The following GLRA2 variants were observed in gnomAD, a reference collection of about 807,000 sequenced individuals.
GLRA2 encodes the protein glycine receptor subunit alpha-2.
Under a neutral mutation model 31.6 loss-of-function variants are expected in GLRA2, and 11 were observed. That is an observed-to-expected ratio of 0.35 (90% confidence interval 0.22 to 0.58). GLRA2 has a LOEUF of 0.58. Ranked by LOEUF, GLRA2 falls within the 20% of genes least tolerant of loss-of-function variation. The pLI is 0.84. For missense variants in GLRA2, 212 were observed against 351.8 expected (o/e 0.60, Z 3.18); for synonymous variants, 132 against 134.0 (o/e 0.99, Z 0.10).
At chrX:14,726,851 A>G (rs899633624) in intron 8 of GLRA2, among the ~76,000 whole-genome samples, 3 of 112,118 alleles carry the variant, frequency 2.7e-5, no homozygotes, top group African/African-American at 6.5e-5. Context: ...TACCCTTTCT[A>G]TTTCTTTAGG....
intron 8 of GLRA2, among the ~76,000 whole-genome samples, chrX:14,725,012 TG>T (rs2091913928): frequency 9.0e-6 from 1 of 111,674 alleles, no homozygotes; most frequent in Non-Finnish European, 1.9e-5. Flanking sequence ...CCAGAGACTT[TG>T]GAATCAGTTT....
Position 14,676,436 on chromosome X carries a change from C to A in GLRA2, c.931-14274C>A, listed in dbSNP as rs1218676380. ...TGATCATAGTCATTTGTGATTTTTTCTCCACTGTAGTGAACTGCTCTCTGT... is the reference window on the plus strand; with the variant it reads ...TGATCATAGTCATTTGTGATTTTTTATCCACTGTAGTGAACTGCTCTCTGT... On this transcript the variant is annotated intron_variant, in intron 7 of 8. Transcript: ENST00000218075. 2.7e-5 allele frequency among the ~76,000 whole-genome samples: 3 copies of A among 112,138 alleles called. No individual in the cohort carries two copies. The Admixed American group carries it at 2.8e-4, about 11-fold the overall frequency.
chrX:14,597,514 G>T (rs2090219363), intron 4 of GLRA2, among the ~76,000 whole-genome samples: 2 of 111,174 alleles, frequency 1.8e-5, no homozygotes, highest in Non-Finnish European at 3.8e-5. Context: ...GCTCTTTATG[G>T]GTAAGCCAGG....
intron 2 of GLRA2, among the ~76,000 whole-genome samples, chrX:14,539,615 C>A (rs1356580003): frequency 3.6e-5 from 4 of 111,515 alleles, no homozygotes; most frequent in African/African-American, 1.3e-4. Flanking sequence ...TGGACCCTTT[C>A]TTTGACTCAT....
the GLRA2 span, among the ~76,000 whole-genome samples, chrX:14,465,273 A>C: frequency 8.9e-6 from 1 of 112,015 alleles, no homozygotes; most frequent in South Asian, 3.7e-4. Context: ...ACATAGAGCA[A>C]TGCTGCTGAT....
chrX:14,463,071 C>A, the GLRA2 span, among the ~76,000 whole-genome samples: 1 of 111,679 alleles, frequency 9.0e-6, no homozygotes, highest in African/African-American at 3.3e-5. Flanking sequence ...CTATTCCTTT[C>A]TGTTTGTTAG....
chrX:14,715,936 G>T lies in GLRA2; in HGVS notation c.1081-14271G>T, dbSNP rs1053883739. On this transcript the variant is annotated intron_variant, in intron 8 of 8. Transcript: ENST00000218075. ...ATAGCTCCATAATCTGCGTAGCACA[G>T]TGCAAAATTAAAATGTAGGTCCCTT... Among the ~76,000 whole-genome samples the T allele has an allele frequency of 2.7e-5, 3 of 111,710 alleles. No homozygotes were observed. In the East Asian group the frequency reaches 8.4e-4, roughly 31 times the overall value.
At chrX:14,474,950 T>A in the GLRA2 span, among the ~76,000 whole-genome samples, 5 of 112,167 alleles carry the variant, frequency 4.5e-5, no homozygotes, top group African/African-American at 1.6e-4. Flanking sequence ...CCAAAGACTA[T>A]GAATAGGAAA....
chrX:14,690,602 T>C, intron 7 of GLRA2, 108 bp from the exon 8 acceptor site: 1 of 521,009 alleles, frequency 1.9e-6, no homozygotes, highest in South Asian at 3.3e-5. Context: ...AATTAGGTTA[T>C]TTTGCTGCTC....
At chrX:14,564,173 G>A (rs755426601) in intron 2 of GLRA2, among the ~76,000 whole-genome samples, 300 of 110,972 alleles carry the variant, frequency 2.7e-3, no homozygotes, top group African/African-American at 8.3e-3. Context: ...TCAAACTGTC[G>A]AAAGCCAAAA....
the GLRA2 span, among the ~76,000 whole-genome samples, chrX:14,501,413 C>G: frequency 9.0e-6 from 1 of 111,471 alleles, no homozygotes; most frequent in Non-Finnish European, 1.9e-5. Flanking sequence ...GCTTTTGTGA[C>G]CTGGTCCTCC....
the GLRA2 span, among the ~76,000 whole-genome samples, chrX:14,456,602 A>G: frequency 8.9e-6 from 1 of 111,933 alleles, no homozygotes; most frequent in African/African-American, 3.2e-5. Flanking sequence ...GAGTGAGGAC[A>G]TGTGGTATTT....
the GLRA2 span, among the ~76,000 whole-genome samples, chrX:14,506,845 T>C: frequency 1.1e-4 from 12 of 111,614 alleles, no homozygotes; most frequent in African/African-American, 3.9e-4. Context: ...TGGATAGATA[T>C]TGATGACCAT....
chrX:14,650,387 CT>C (rs1483311797), intron 7 of GLRA2, among the ~76,000 whole-genome samples: 2 of 110,629 alleles, frequency 1.8e-5, no homozygotes, highest in African/African-American at 6.6e-5. Context: ...AACAAAATCC[CT>C]GTTTCCTTGT....
chrX:14,571,371 G>A (rs951005897), intron 2 of GLRA2, among the ~76,000 whole-genome samples: 3 of 111,659 alleles, frequency 2.7e-5, no homozygotes, highest in Non-Finnish European at 5.6e-5. Flanking sequence ...ACACATGCTA[G>A]GATAACTCCT....
At chrX:14,637,500 G>A (rs752163981) in intron 7 of GLRA2, among the ~76,000 whole-genome samples, 1 of 111,849 alleles carries the variant, frequency 8.9e-6, no homozygotes, top group Middle Eastern at 4.2e-3. Context: ...AAATATGCAG[G>A]TCTAAAATCT....
the GLRA2 span, among the ~76,000 whole-genome samples, chrX:14,453,073 A>G: frequency 2.0e-3 from 228 of 111,781 alleles, no homozygotes; most frequent in Non-Finnish European, 3.5e-3. Flanking sequence ...TTATAATCTT[A>G]TGGATCTGGG....
intron 7 of GLRA2, among the ~76,000 whole-genome samples, chrX:14,670,466 G>T (rs1255455107): frequency 2.7e-5 from 3 of 111,889 alleles, no homozygotes; most frequent in Non-Finnish European, 5.6e-5. Flanking sequence ...GGGCAATTTA[G>T]AAAAGAAAGA....
intron 7 of GLRA2, among the ~76,000 whole-genome samples, chrX:14,685,088 C>T (rs1010161241): frequency 8.9e-6 from 1 of 111,753 alleles, no homozygotes; most frequent in Non-Finnish European, 1.9e-5. Context: ...TGGTTTTTGT[C>T]TTTGGTTCCA....
Sources: allele counts gnomAD v4.1 joint callset (sites outside exome capture counted in the v4.1 genomes callset), GRCh38; gene constraint gnomAD v4.1.1; transcripts MANE v1.5; gene names NCBI Gene and HGNC (gene_info 2026-07-23, HGNC 2026-07-21).